Variants in GRIN2B observed in about 807,000 individuals in gnomAD.
The protein encoded by GRIN2B is glutamate ionotropic receptor NMDA type subunit 2B.
Under a neutral mutation model 114.5 loss-of-function variants are expected in GRIN2B, and 5 were observed. The ratio of observed to expected loss-of-function variants is 0.04; its 90% CI spans 0.02 to 0.09. The LOEUF (loss-of-function observed/expected upper bound fraction) is 0.09. Ranked by LOEUF, GRIN2B falls within the 10% of genes least tolerant of loss-of-function variation. GRIN2B has a pLI of 1.00. For synonymous variants in GRIN2B, 787 were observed against 745.1 expected (o/e 1.06, Z -0.92); for missense variants, 1,108 against 1,943.5 (o/e 0.57, Z 8.08).
chr12:13,975,326 C>T (rs1196446078), intron 2 of GRIN2B, among the ~76,000 whole-genome samples: 2 of 152,196 alleles, frequency 1.3e-5, no homozygotes, highest in Non-Finnish European at 2.9e-5. Context: ...CACAAAATCT[C>T]CAGATGATTT....
At chr12:13,918,639 G>A (rs73293524) in intron 2 of GRIN2B, among the ~76,000 whole-genome samples, 1,832 of 152,174 alleles carry the variant, frequency 0.012, 34 homozygotes, top group African/African-American at 0.041. Flanking sequence ...TTCAATGCAC[G>A]CTCTGCAATT....
At chr12:13,814,945 ATC>A (rs141290961) in intron 3 of GRIN2B, among the ~76,000 whole-genome samples, 5,358 of 152,128 alleles carry the variant, frequency 0.035, 109 homozygotes, top group Middle Eastern at 0.061. Context: ...CTTAAGTTTC[ATC>A]TCTTTGATTT....
intron 10 of GRIN2B, among the ~76,000 whole-genome samples, chr12:13,574,160 T>TAACA (rs1240855337): frequency 6.6e-6 from 1 of 152,198 alleles, no homozygotes. Context: ...CATTGATAGC[T>TAACA]AACAGATCAG....
At chr12:13,863,347 C>T (rs1865777964) in intron 3 of GRIN2B, among the ~76,000 whole-genome samples, 1 of 152,158 alleles carries the variant, frequency 6.6e-6, no homozygotes, top group Non-Finnish European at 1.5e-5. Flanking sequence ...AGATGACATC[C>T]CCCACAATGC....
chr12:13,877,142 G>C (rs901974646), intron 2 of GRIN2B, among the ~76,000 whole-genome samples: 1 of 152,150 alleles, frequency 6.6e-6, no homozygotes. Flanking sequence ...AGAGTTGCAT[G>C]TGTGTGAGCT....
At chr12:13,677,868 A>T (rs1414181875) in intron 4 of GRIN2B, among the ~76,000 whole-genome samples, 1 of 152,136 alleles carries the variant, frequency 6.6e-6, no homozygotes, top group Admixed American at 6.6e-5. Context: ...TCCCTTATGA[A>T]ATCAATTTTA....
chr12:13,621,083 T>G (rs1949507664), intron 5 of GRIN2B, among the ~76,000 whole-genome samples: 1 of 151,928 alleles, frequency 6.6e-6, no homozygotes, highest in Admixed American at 6.6e-5. Context: ...CAACTAAAAT[T>G]AACAAAAAAG....
rs1044857071 is a variant in GRIN2B at position 13,564,799 on chromosome 12, A to T, written c.2599-160T>A. Among the ~76,000 whole-genome samples, 2 of 152,212 alleles carry T rather than the reference A, an allele frequency of 1.3e-5. No homozygotes were observed. Among genetic ancestry groups the T allele is most frequent in the African/African-American group, 4.8e-5 (2 of 41,446 alleles). On this transcript the variant is annotated intron_variant, in intron 13 of 13. Coordinates refer to ENST00000609686, the MANE Select transcript of GRIN2B (RefSeq NM_000834.5). The surrounding 1 kb of genome is among the most constrained non-coding windows in gnomAD (Gnocchi z 4.8). ...TTAGATGTGGCTAGAAGTTTGCCTA[A>T]TTTATACCCCTAAATTTGGTGACTG...
At chr12:13,787,520 C>T (rs1023706662) in intron 3 of GRIN2B, among the ~76,000 whole-genome samples, 3 of 152,140 alleles carry the variant, frequency 2.0e-5, no homozygotes, top group African/African-American at 4.8e-5. Context: ...AAGGGCAAGC[C>T]GTACCAGAGA....
At chr12:13,574,974 C>A (rs1330415855) in intron 10 of GRIN2B, among the ~76,000 whole-genome samples, 1 of 152,140 alleles carries the variant, frequency 6.6e-6, no homozygotes, top group African/African-American at 2.4e-5. Flanking sequence ...TGGCCTTTAA[C>A]AAATGGTGTT....
intron 4 of GRIN2B, among the ~76,000 whole-genome samples, chr12:13,736,142 G>C (rs10772707): frequency 0.91 from 117,217 of 128,578 alleles, 54,356 homozygotes; most frequent in African/African-American, 0.94. Flanking sequence ...AAGCGGGGGG[G>C]GGGGGGGGTT....
intron 3 of GRIN2B, among the ~76,000 whole-genome samples, chr12:13,848,766 C>T (rs1019693566): frequency 1.1e-4 from 16 of 152,160 alleles, no homozygotes; most frequent in African/African-American, 3.9e-4. Context: ...CTTTCTTGAA[C>T]CCAACAGAGC....
At chr12:13,866,495 G>A (rs901391760) in intron 2 of GRIN2B, among the ~76,000 whole-genome samples, 14 of 152,182 alleles carry the variant, frequency 9.2e-5, no homozygotes, top group Non-Finnish European at 1.9e-4. Context: ...GACAAAGGAG[G>A]AAAAGAGGTT....
chr12:13,881,015 C>CGT (rs1565573540), intron 2 of GRIN2B, among the ~76,000 whole-genome samples: 4 of 124,582 alleles, frequency 3.2e-5, no homozygotes, highest in Middle Eastern at 4.8e-3. Context: ...TGTGTGTGTG[C>CGT]GCGTGCGCGC....
intron 3 of GRIN2B, among the ~76,000 whole-genome samples, chr12:13,857,176 G>A (rs1222272266): frequency 6.6e-6 from 1 of 151,568 alleles, no homozygotes; most frequent in Non-Finnish European, 1.5e-5. Context: ...AGGAGACAAG[G>A]AGGGAGAATG....
At chr12:13,888,689 G>A (rs1281558354) in intron 2 of GRIN2B, among the ~76,000 whole-genome samples, 3 of 150,884 alleles carry the variant, frequency 2.0e-5, no homozygotes, top group East Asian at 3.9e-4. Context: ...AGCCGAGATC[G>A]CACCACTGCA....
At chr12:13,837,115 C>G (rs1472566579) in intron 3 of GRIN2B, among the ~76,000 whole-genome samples, 1 of 152,190 alleles carries the variant, frequency 6.6e-6, no homozygotes, top group Non-Finnish European at 1.5e-5. Context: ...ATTCCATAAA[C>G]ATCCCACAAC....
intron 3 of GRIN2B, among the ~76,000 whole-genome samples, chr12:13,772,889 A>T (rs1423848296): frequency 6.6e-6 from 1 of 152,170 alleles, no homozygotes; most frequent in African/African-American, 2.4e-5. Context: ...TCTATAGCAA[A>T]TGTATTCTCA....
chr12:13,606,305 C>T (rs1209858308), intron 10 of GRIN2B, among the ~76,000 whole-genome samples: 2 of 152,194 alleles, frequency 1.3e-5, no homozygotes, highest in Non-Finnish European at 2.9e-5. Context: ...AGGCTGCTTC[C>T]ACTCATGGTG....
Sources: gnomAD v4.1 joint callset for allele counts (sites outside exome capture counted in the v4.1 genomes callset) on GRCh38, gnomAD v4.1.1 for gene constraint, Gnocchi (gnomAD v3.1) non-coding constraint, MANE v1.5 for transcripts, NCBI Gene and HGNC (gene_info 2026-07-23, HGNC 2026-07-21) for gene names.